Variants in VEPH1 observed in about 807,000 individuals in gnomAD.
VEPH1 encodes the protein ventricular zone expressed PH domain containing 1.
In VEPH1, 80 loss-of-function variants were observed where a neutral mutation model predicts 85.2. The observed-to-expected ratio is 0.94, with a 90% CI of 0.78 to 1.13. VEPH1 has a LOEUF of 1.13. VEPH1 is among the 50% of genes most tolerant of loss of function. The probability of loss-of-function intolerance (pLI) is 0.00; values close to 1 mark genes in which losing one functional copy is unlikely to be tolerated. For synonymous variants in VEPH1, 297 were observed against 348.0 expected, an observed-to-expected ratio of 0.85 and a Z score of 1.63; for missense variants, 955 against 980.5, an observed-to-expected ratio of 0.97 and a Z score of 0.35.
chr3:157,295,891 G>A (rs535145932), intron 11 of VEPH1, among the ~76,000 whole-genome samples: 5 of 152,114 alleles, frequency 3.3e-5, no homozygotes, highest in Non-Finnish European at 7.3e-5. Context: ...GGAGGCAGAC[G>A]TTGCAGTGAG....
chr3:157,302,868 A>C (rs552421358), intron 11 of VEPH1, among the ~76,000 whole-genome samples: 1 of 152,170 alleles, frequency 6.6e-6, no homozygotes, highest in Non-Finnish European at 1.5e-5. Context: ...GTGAAAGGGG[A>C]GTGTGCTCAC....
intron 6 of VEPH1, among the ~76,000 whole-genome samples, chr3:157,400,661 T>C (rs1483354190): frequency 6.6e-6 from 1 of 152,186 alleles, no homozygotes; most frequent in East Asian, 1.9e-4. Context: ...TGTGGCCATG[T>C]ATGTGTTTAA....
intron 2 of VEPH1, among the ~76,000 whole-genome samples, chr3:157,478,651 G>A (rs1577761533): frequency 6.6e-6 from 1 of 151,642 alleles, no homozygotes; most frequent in East Asian, 1.9e-4. Context: ...CCTTTCGAAT[G>A]AAGCCATTGT....
chr3:157,358,363 G>T (rs898831664), intron 9 of VEPH1, among the ~76,000 whole-genome samples: 1 of 152,052 alleles, frequency 6.6e-6, no homozygotes, highest in African/African-American at 2.4e-5. Flanking sequence ...AATGAATGAG[G>T]CTCCAGGAAA....
intron 4 of VEPH1, among the ~76,000 whole-genome samples, chr3:157,433,192 A>G (rs1040501451): frequency 3.3e-5 from 5 of 152,088 alleles, no homozygotes; most frequent in Non-Finnish European, 7.4e-5. Flanking sequence ...TTTCCATCCT[A>G]ATCCTTATGT....
intron 9 of VEPH1, among the ~76,000 whole-genome samples, chr3:157,338,696 AC>A (rs910491023): frequency 2.6e-5 from 4 of 152,210 alleles, no homozygotes; most frequent in African/African-American, 9.6e-5. Flanking sequence ...GCATCATAAG[AC>A]AATTAACTTT....
At chr3:157,481,219 A>G (rs1414916048) in intron 2 of VEPH1, among the ~76,000 whole-genome samples, 1 of 152,002 alleles carries the variant, frequency 6.6e-6, no homozygotes, top group Non-Finnish European at 1.5e-5. Context: ...TGCATAGTTC[A>G]CGAATATTTT....
At chr3:157,357,205 T>A (rs1317398253) in intron 9 of VEPH1, among the ~76,000 whole-genome samples, 1 of 152,192 alleles carries the variant, frequency 6.6e-6, no homozygotes, top group African/African-American at 2.4e-5. Context: ...TACTTTTGCC[T>A]CTATTTGTTA....
intron 11 of VEPH1, among the ~76,000 whole-genome samples, chr3:157,301,256 G>A (rs1253611318): frequency 6.6e-6 from 1 of 152,162 alleles, no homozygotes; most frequent in East Asian, 1.9e-4. Context: ...GTTTTTTGAA[G>A]GCGAAGAGTA....
At chr3:157,457,867 T>C (rs1735512579) in intron 4 of VEPH1, among the ~76,000 whole-genome samples, 1 of 152,148 alleles carries the variant, frequency 6.6e-6, no homozygotes, top group East Asian at 1.9e-4. Flanking sequence ...ATCAGGATGA[T>C]GGTGGCCTTA....
At chr3:157,310,695 GT>G (rs1438503481) in intron 11 of VEPH1, among the ~76,000 whole-genome samples, 1 of 152,200 alleles carries the variant, frequency 6.6e-6, no homozygotes, top group East Asian at 1.9e-4. Context: ...ATTCCAGGCT[GT>G]TTTCATCTTC....
chr3:157,350,596 G>T (rs1457103979), intron 9 of VEPH1, among the ~76,000 whole-genome samples: 1 of 151,974 alleles, frequency 6.6e-6, no homozygotes, highest in East Asian at 1.9e-4. Flanking sequence ...TACAAAATAG[G>T]AATAAATATT....
At chr3:157,273,770 C>G (rs1715026382) in intron 12 of VEPH1, among the ~76,000 whole-genome samples, 1 of 152,118 alleles carries the variant, frequency 6.6e-6, no homozygotes. Flanking sequence ...AGTCATAGAC[C>G]TCTTTTATTT....
intron 11 of VEPH1, among the ~76,000 whole-genome samples, chr3:157,305,733 A>C (rs1719441910): frequency 1.3e-5 from 2 of 152,214 alleles, no homozygotes; most frequent in African/African-American, 4.8e-5. Context: ...TGAGTGCCTT[A>C]ACTCTTGCTC....
intron 6 of VEPH1, among the ~76,000 whole-genome samples, chr3:157,398,737 G>A (rs1020708755): frequency 6.6e-6 from 1 of 152,040 alleles, no homozygotes; most frequent in African/African-American, 2.4e-5. Context: ...ACCTCCCAAA[G>A]GCTCCCGACA....
chr3:157,356,513 C>T lies in VEPH1; in HGVS notation c.1735+6851G>A, dbSNP rs78978856. ...TTTGGAAAAATATTTAAAAATCCTCCGTCACCTGAAATTTGATGGTTGTTG... is the reference window on the plus strand; with the variant it reads ...TTTGGAAAAATATTTAAAAATCCTCTGTCACCTGAAATTTGATGGTTGTTG... On this transcript the variant is annotated intron_variant, in intron 9 of 13. Coordinates refer to ENST00000362010, the MANE Select transcript of VEPH1 (RefSeq NM_001167912.2). Among the ~76,000 whole-genome samples, 10 of 152,118 alleles carry T rather than the reference C, an allele frequency of 6.6e-5. No homozygotes were observed. The East Asian group carries it at 1.2e-3, about 18-fold the overall frequency.
chr3:157,272,010 C>T lies in VEPH1; in HGVS notation c.2129-6348G>A, dbSNP rs988322442. 3.3e-5 allele frequency among the ~76,000 whole-genome samples: 5 copies of T among 152,138 alleles called. 1 individual carries two copies. The South Asian group carries it at 6.2e-4, about 19-fold the overall frequency. The stretch of plus-strand genomic sequence containing the variant: ...GGGAATTTAACCATGTTGATGCAGT[C>T]GTTTTAACATTATTAACTGAAACAA... On this transcript the variant is annotated intron_variant, in intron 12 of 13. Transcript: ENST00000362010.
At chr3:157,459,969 T>C in intron 4 of VEPH1, 5 of 1,537,586 alleles carry the variant, frequency 3.3e-6, no homozygotes, top group Non-Finnish European at 4.4e-6. Context: ...ATTCTTTTAA[T>C]GAGTCTAAGT....
At chr3:157,307,870 T>C (rs1399976734) in intron 11 of VEPH1, among the ~76,000 whole-genome samples, 7 of 151,698 alleles carry the variant, frequency 4.6e-5, no homozygotes, top group Admixed American at 6.6e-5. Flanking sequence ...CTTTAAAATT[T>C]TTTTCATTAA....
Sources: allele counts gnomAD v4.1 joint callset (sites outside exome capture counted in the v4.1 genomes callset), GRCh38; gene constraint gnomAD v4.1.1; transcripts MANE v1.5; gene names NCBI Gene and HGNC (gene_info 2026-07-23, HGNC 2026-07-21).